The following UNC13C variants were observed in gnomAD, a reference collection of about 807,000 sequenced individuals.
UNC13C encodes the protein protein unc-13 homolog C.
UNC13C carries 174 observed loss-of-function variants against 245.4 expected under a neutral mutation model. That is an observed-to-expected ratio of 0.71 (90% confidence interval 0.63 to 0.80). The LOEUF (loss-of-function observed/expected upper bound fraction) is 0.80. UNC13C is among the 30% of genes least tolerant of loss of function. The probability of loss-of-function intolerance (pLI) is 0.00; values close to 1 mark genes in which losing one functional copy is unlikely to be tolerated. For missense variants in UNC13C, 2,829 were observed against 2,602.9 expected (o/e 1.09, Z -1.89); for synonymous variants, 992 against 895.1 (o/e 1.11, Z -1.93).
At chr15:53,846,621 G>A in the UNC13C span, among the ~76,000 whole-genome samples, 1 of 152,150 alleles carries the variant, frequency 6.6e-6, no homozygotes, top group African/African-American at 2.4e-5. Context: ...GCATATTTAT[G>A]TATTAATATG....
At chr15:54,114,416 G>A (rs1478167446) in intron 2 of UNC13C, among the ~76,000 whole-genome samples, 1 of 152,090 alleles carries the variant, frequency 6.6e-6, no homozygotes, top group Non-Finnish European at 1.5e-5. Flanking sequence ...TAGTAGAAGT[G>A]GGGCTTTGTG....
rs111560896 is a variant in UNC13C, at chr15:54,163,660, C to T, written c.3071+19976C>T. Among the ~76,000 whole-genome samples, 748 of 152,244 alleles carry T rather than the reference C, an allele frequency of 4.9e-3. 2 individuals carry two copies. Among genetic ancestry groups the T allele is most frequent in the Non-Finnish European group, 8.1e-3 (554 of 68,010 alleles). On this transcript the variant is annotated intron_variant, in intron 4 of 32. Transcript: ENST00000260323. ...TCCTGAGAATTGGGATTGCTTTTAT[C>T]ATCAATCTAACAGAAGTCATTTACC...
intron 22 of UNC13C, 101 bp from the exon 23 acceptor site, chr15:54,507,016 G>A (rs1894503086): frequency 5.8e-6 from 4 of 688,602 alleles, no homozygotes; most frequent in South Asian, 5.2e-5. Flanking sequence ...GTAGAACTAA[G>A]ATGAAAAAGA....
rs2038879718 is a variant in UNC13C, at chr15:54,347,271, A to G, written c.4713+8782A>G. ...GAAAGAACTTTTCTGTTGAACAATG[A>G]AAACCTTTATTAACTGATTTTACAG... On this transcript the variant is annotated intron_variant, in intron 17 of 32. Transcript: ENST00000260323. 1.3e-5 allele frequency among the ~76,000 whole-genome samples: 2 copies of G among 152,190 alleles called. 1 individual carries two copies. Among genetic ancestry groups the G allele is most frequent in the South Asian group, 4.1e-4 (2 of 4,828 alleles).
chr15:54,257,539 C>T (rs1286594968), intron 8 of UNC13C, among the ~76,000 whole-genome samples: 1 of 152,128 alleles, frequency 6.6e-6, no homozygotes, highest in Non-Finnish European at 1.5e-5. Flanking sequence ...TTTGTAGGCT[C>T]TTGGTGCCAG....
At chr15:54,258,795 A>G (rs1476022953) in intron 8 of UNC13C, among the ~76,000 whole-genome samples, 2 of 152,250 alleles carry the variant, frequency 1.3e-5, no homozygotes, top group Admixed American at 6.5e-5. Context: ...TAAGGGAGAC[A>G]CTACTACTAT....
intron 19 of UNC13C, among the ~76,000 whole-genome samples, chr15:54,432,699 A>G (rs2040896521): frequency 6.6e-6 from 1 of 152,032 alleles, no homozygotes; most frequent in Non-Finnish European, 1.5e-5. Context: ...CTAGACAAGC[A>G]AGAGCAAACA....
chr15:53,958,082 C>T, the UNC13C span, among the ~76,000 whole-genome samples: 3 of 152,034 alleles, frequency 2.0e-5, no homozygotes, highest in Non-Finnish European at 4.4e-5. Context: ...TGTTTCACAT[C>T]TAAATTAATA....
intron 2 of UNC13C, among the ~76,000 whole-genome samples, chr15:54,125,528 G>A (rs562951765): frequency 2.0e-3 from 311 of 152,182 alleles, no homozygotes; most frequent in Non-Finnish European, 3.7e-3. Context: ...ATATAAATTT[G>A]GGGATTATCT....
At chr15:54,540,815 G>C (rs1024521380) in intron 26 of UNC13C, among the ~76,000 whole-genome samples, 2 of 152,016 alleles carry the variant, frequency 1.3e-5, no homozygotes, top group Non-Finnish European at 2.9e-5. Flanking sequence ...GTCTAAGCAG[G>C]GTTAGTCAGC....
At chr15:53,999,563 ACTT>A (rs1595695129) in intron 1 of UNC13C, among the ~76,000 whole-genome samples, 1 of 151,372 alleles carries the variant, frequency 6.6e-6, no homozygotes, top group African/African-American at 2.4e-5. Context: ...TTTGTCATTG[ACTT>A]CTTCTCTTAT....
chr15:54,073,251 T>C (rs1040030025), intron 2 of UNC13C, among the ~76,000 whole-genome samples: 24 of 152,224 alleles, frequency 1.6e-4, no homozygotes, highest in African/African-American at 5.3e-4. Flanking sequence ...GTGGTGTATA[T>C]GTGCCACATT....
At chr15:54,476,320 C>T (rs1471703311) in intron 19 of UNC13C, among the ~76,000 whole-genome samples, 1 of 145,670 alleles carries the variant, frequency 6.9e-6, no homozygotes, top group African/African-American at 2.6e-5. Flanking sequence ...TAATTAGATC[C>T]CATTTGTCAA....
At chr15:54,049,438 A>G (rs1332350514) in intron 2 of UNC13C, 6 of 469,336 alleles carry the variant, frequency 1.3e-5, no homozygotes, top group Non-Finnish European at 2.6e-5. Context: ...CTTTGTGGAG[A>G]CCACATAACA....
At chr15:54,452,822 G>A (rs1293361810) in intron 19 of UNC13C, among the ~76,000 whole-genome samples, 1 of 152,196 alleles carries the variant, frequency 6.6e-6, no homozygotes, top group Non-Finnish European at 1.5e-5. Flanking sequence ...GCTGCCAATG[G>A]AGCAGCCACT....
chr15:54,338,331 TTTGAGAAAATAAA>T lies in UNC13C; in HGVS notation c.4585-28_4585-16del. ...TAGATTACAATGTGTCACTGTTGCA[TTTGAGAAAATAAA>T]TGTCTGTCTTTGTCAGGTTCTGGAG... On this transcript the variant is annotated splice_polypyrimidine_tract_variant and intron_variant, in intron 16 of 32. Coordinates refer to ENST00000260323, the MANE Select transcript of UNC13C (RefSeq NM_001080534.3). 1.3e-6 allele frequency: 2 copies of T among 1,598,398 alleles called. No homozygotes were observed. The highest frequency in any genetic ancestry group is 1.7e-6 in the Non-Finnish European group (2 of 1,171,318).
chr15:54,489,443 C>T (rs1439653117), intron 19 of UNC13C, among the ~76,000 whole-genome samples: 2 of 152,180 alleles, frequency 1.3e-5, no homozygotes, highest in African/African-American at 4.8e-5. Context: ...TAGAGTTACA[C>T]TGATACAGTT....
At chr15:53,888,167 C>G in the UNC13C span, among the ~76,000 whole-genome samples, 1 of 152,200 alleles carries the variant, frequency 6.6e-6, no homozygotes, top group East Asian at 1.9e-4. Flanking sequence ...CACATTCCCA[C>G]CAACAGTGTA....
At chr15:54,501,579 A>C (rs913440012) in intron 22 of UNC13C, among the ~76,000 whole-genome samples, 1 of 152,136 alleles carries the variant, frequency 6.6e-6, no homozygotes, top group Non-Finnish European at 1.5e-5. Context: ...GAAATAAAAG[A>C]AGCAGCCACT....
Sources: gnomAD v4.1 joint callset for allele counts (sites outside exome capture counted in the v4.1 genomes callset) on GRCh38, gnomAD v4.1.1 for gene constraint, MANE v1.5 for transcripts, NCBI Gene and HGNC (gene_info 2026-07-23, HGNC 2026-07-21) for gene names.